BTBD9: variants seen among roughly 807,000 people sequenced by gnomAD.
BTBD9 encodes BTB/POZ domain-containing protein 9.
Under a neutral mutation model 64.3 loss-of-function variants are expected in BTBD9, and 49 were observed. The ratio of observed to expected loss-of-function variants is 0.76; its 90% CI spans 0.61 to 0.97. The LOEUF is 0.97. Among genes scored for constraint, BTBD9 ranks in the 50% least tolerant of loss-of-function variants. The pLI, the probability that BTBD9 is intolerant of heterozygous loss-of-function variation, is 0.00. For synonymous variants in BTBD9, 260 were observed against 274.7 expected (o/e 0.95, Z 0.53); for missense variants, 598 against 762.1 (o/e 0.78, Z 2.53).
At chr6:38,500,236 G>C (rs914637623) in intron 6 of BTBD9, among the ~76,000 whole-genome samples, 2 of 151,786 alleles carry the variant, frequency 1.3e-5, no homozygotes, top group Non-Finnish European at 2.9e-5. Context: ...GGGGGATGGA[G>C]GGGGGAGGAA....
chr6:38,187,231 C>T (rs1334477865), intron 10 of BTBD9, among the ~76,000 whole-genome samples: 4 of 152,164 alleles, frequency 2.6e-5, no homozygotes, highest in African/African-American at 7.2e-5. Context: ...TTATTTTAGA[C>T]GTGAGAAACT....
At chr6:38,365,808 G>C (rs1474520811) in intron 6 of BTBD9, among the ~76,000 whole-genome samples, 1 of 150,482 alleles carries the variant, frequency 6.6e-6, no homozygotes, top group Non-Finnish European at 1.5e-5. Context: ...AAGGCCAAAT[G>C]CTACCGATAA....
intron 6 of BTBD9, among the ~76,000 whole-genome samples, chr6:38,523,253 T>TCCATTTTTACTGTACTACCCCACC (rs535547102): frequency 5.3e-5 from 8 of 152,174 alleles, no homozygotes; most frequent in Admixed American, 1.3e-4. Flanking sequence ...ACACCTCTTC[T>TCCATTTTTACTGTACTACCCCACC]TCTCCATTTT....
At chr6:38,244,176 A>G (rs920254071) in intron 9 of BTBD9, among the ~76,000 whole-genome samples, 5 of 152,124 alleles carry the variant, frequency 3.3e-5, no homozygotes, top group African/African-American at 1.2e-4. Context: ...CCCGCTGCTC[A>G]GTTTGCTTAC....
chr6:38,425,921 A>AACATAC (rs1554150440), intron 6 of BTBD9, among the ~76,000 whole-genome samples: 1 of 102,258 alleles, frequency 9.8e-6, no homozygotes, highest in Non-Finnish European at 2.1e-5. Context: ...TATCTCAAGA[A>AACATAC]ACACATACAC....
At chr6:38,542,069 G>T (rs1774305927) in intron 6 of BTBD9, among the ~76,000 whole-genome samples, 1 of 152,046 alleles carries the variant, frequency 6.6e-6, no homozygotes, top group Non-Finnish European at 1.5e-5. Context: ...TCTACAGCTG[G>T]ACAGGTGGCC....
At position 38,562,744 on chromosome 6, in the gene BTBD9, T is replaced by C. The variant is rs1433368541; in HGVS notation, c.1154+14856A>G. Among the ~76,000 whole-genome samples the C allele has an allele frequency of 3.3e-5, 5 of 152,334 alleles. No homozygotes were observed. The East Asian group carries it at 9.6e-4, about 29-fold the overall frequency. ...TAATCAATTCCTTATTGATGGGCAT[T>C]TTGGTAGTTTTCAGTTTTTTGAAGC... is the stretch of plus-strand genomic sequence containing the variant. On this transcript the variant is annotated intron_variant, in intron 6 of 10. Transcript: ENST00000481247.
chr6:38,630,476 T>G (rs888826214), intron 1 of BTBD9, among the ~76,000 whole-genome samples: 1 of 152,246 alleles, frequency 6.6e-6, no homozygotes. Flanking sequence ...TTGGGTATTA[T>G]ATCTGCAACT....
chr6:38,560,881 C>G (rs937075768), intron 6 of BTBD9, among the ~76,000 whole-genome samples: 3 of 152,196 alleles, frequency 2.0e-5, no homozygotes, highest in African/African-American at 7.2e-5. Flanking sequence ...TGGCCTCAGG[C>G]TCCATCCATG....
chr6:38,325,859 A>G (rs1436919309), intron 7 of BTBD9, among the ~76,000 whole-genome samples: 1 of 152,250 alleles, frequency 6.6e-6, no homozygotes, highest in African/African-American at 2.4e-5. Context: ...AGAATGCAAC[A>G]CATCATTCCA....
intron 6 of BTBD9, among the ~76,000 whole-genome samples, chr6:38,473,489 T>G (rs1026858568): frequency 1.3e-5 from 2 of 152,206 alleles, no homozygotes; most frequent in African/African-American, 4.8e-5. Context: ...AGTGCTATTT[T>G]AATTCTACCA....
At chr6:38,622,939 G>A (rs540870001) in intron 1 of BTBD9, among the ~76,000 whole-genome samples, 100 of 152,130 alleles carry the variant, frequency 6.6e-4, no homozygotes, top group African/African-American at 1.7e-3. Context: ...TTCTCATCCC[G>A]TCTTTCAATT....
At chr6:38,346,006 G>A (rs1764263191) in intron 6 of BTBD9, among the ~76,000 whole-genome samples, 1 of 152,130 alleles carries the variant, frequency 6.6e-6, no homozygotes. Context: ...TTCAAAGTAA[G>A]AACCAGGAAA....
chr6:38,226,996 C>T (rs1272192460), intron 9 of BTBD9, among the ~76,000 whole-genome samples: 1 of 152,158 alleles, frequency 6.6e-6, no homozygotes, highest in Non-Finnish European at 1.5e-5. Context: ...ACTTTATAAC[C>T]ACAATTTGAC....
chr6:38,623,329 A>T (rs756921619), intron 1 of BTBD9, among the ~76,000 whole-genome samples: 49 of 152,088 alleles, frequency 3.2e-4, no homozygotes, highest in Non-Finnish European at 5.6e-4. Flanking sequence ...TACAACTAAT[A>T]CCCCTACTTA....
Position 38,171,870 on chromosome 6 carries a change from A to AT in BTBD9, c.*3114_*3115insA, listed in dbSNP as rs1766794047. ...TCAAAAAAAAAAAAAAAAAAAAAAA[A>AT]AAAAAAAAAAAATAATAATAATAAT... On this transcript the variant is annotated 3_prime_UTR_variant, in exon 11 of 11. Coordinates refer to ENST00000481247, the MANE Select transcript of BTBD9 (RefSeq NM_001099272.2). 8.2e-6 allele frequency: 1 copy of AT among 122,002 alleles called. No homozygotes were observed. Among genetic ancestry groups the AT allele is most frequent in the Non-Finnish European group, 1.8e-5 (1 of 55,574 alleles). The allele number at this position is 122,002 out of a possible 1,614,324, so 7.6% of individuals were successfully genotyped here. A position where few individuals can be genotyped will look rare whatever the true frequency, so the allele number is the denominator to read the frequency against.
intron 6 of BTBD9, among the ~76,000 whole-genome samples, chr6:38,395,766 G>A (rs1470227661): frequency 6.6e-6 from 1 of 151,548 alleles, no homozygotes; most frequent in African/African-American, 2.4e-5. Context: ...CTGGAGTGCA[G>A]CGGTGTGATC....
chr6:38,354,034 G>C (rs1428010738), intron 6 of BTBD9, among the ~76,000 whole-genome samples: 2 of 152,004 alleles, frequency 1.3e-5, no homozygotes, highest in African/African-American at 4.8e-5. Context: ...GTTAAATAGA[G>C]GAGGAAGAGA....
At chr6:38,309,834 C>G (rs1762764009) in intron 7 of BTBD9, among the ~76,000 whole-genome samples, 1 of 151,304 alleles carries the variant, frequency 6.6e-6, no homozygotes, top group Non-Finnish European at 1.5e-5. Flanking sequence ...GCATCAATAA[C>G]TATAAAATTT....
Sources: allele counts gnomAD v4.1 joint callset (sites outside exome capture counted in the v4.1 genomes callset), GRCh38; gene constraint gnomAD v4.1.1; transcripts MANE v1.5; gene names NCBI Gene and HGNC (gene_info 2026-07-23, HGNC 2026-07-21).